Variants in SV2B observed in about 807,000 individuals in gnomAD.
The protein encoded by SV2B is synaptic vesicle glycoprotein 2B.
Under a neutral mutation model 73.9 loss-of-function variants are expected in SV2B, and 41 were observed. The observed-to-expected ratio is 0.56, with a 90% CI of 0.43 to 0.72. SV2B has a LOEUF of 0.72. Among genes scored for constraint, SV2B ranks in the 30% least tolerant of loss-of-function variants. SV2B has a pLI of 0.00. For synonymous variants in SV2B, 314 were observed against 314.2 expected, an observed-to-expected ratio of 1.00 and a Z score of 0.01; for missense variants, 764 against 857.8, an observed-to-expected ratio of 0.89 and a Z score of 1.37.
Position 91,275,293 on chromosome 15 carries a change from A to G in SV2B, c.1374-6435A>G, listed in dbSNP as rs569771863. Among the ~76,000 whole-genome samples the G allele has an allele frequency of 6.6e-5, 10 of 152,196 alleles. 1 individual carries two copies. The South Asian group carries it at 8.3e-4, about 13-fold the overall frequency. ...TATTACTTATTCCTCTTTGTAAAAA[A>G]TTTAGTGGTGTCTTAGCGCTTACAA... On this transcript the variant is annotated intron_variant, in intron 9 of 12. Transcript: ENST00000394232.
At chr15:91,111,068 G>A (rs1016739858) in intron 1 of SV2B, among the ~76,000 whole-genome samples, 5 of 152,082 alleles carry the variant, frequency 3.3e-5, no homozygotes, top group South Asian at 2.1e-4. Context: ...CGCCGCCCAC[G>A]TCTGTGGCAG....
In SV2B at chr15:91,232,653, G is replaced by A. The variant is rs745522402; in HGVS notation, c.451+5939G>A. Among the ~76,000 whole-genome samples the A allele has an allele frequency of 4.6e-5, 7 of 152,186 alleles. No individual in the cohort carries two copies. The highest frequency in any genetic ancestry group is 8.8e-5 in the Non-Finnish European group (6 of 68,018). ...GCTTTCTAATCTGATTAGATTTAAA[G>A]AGTTTATTGTTTGAGTGTGACATAT... On this transcript the variant is annotated intron_variant, in intron 2 of 12. Transcript: ENST00000394232. The surrounding 1 kb of genome is among the most constrained non-coding windows in gnomAD (Gnocchi z 4.7).
intron 9 of SV2B, among the ~76,000 whole-genome samples, chr15:91,276,805 G>GTTGTTGTTATTATTATTATTATTA (rs528279430): frequency 7.6e-5 from 7 of 92,096 alleles, no homozygotes; most frequent in African/African-American, 2.4e-4. Context: ...TATTGTTGTT[G>GTTGTTGTTATTATTATTATTATTA]TTATTATTAT....
At chr15:91,233,468 T>A (rs943871277) in intron 2 of SV2B, among the ~76,000 whole-genome samples, 1 of 152,220 alleles carries the variant, frequency 6.6e-6, no homozygotes. Flanking sequence ...CTCCTGAGAT[T>A]GCTGAAAACC....
At chr15:91,228,406 A>G (rs1055481741) in intron 2 of SV2B, among the ~76,000 whole-genome samples, 4 of 152,224 alleles carry the variant, frequency 2.6e-5, no homozygotes, top group African/African-American at 9.6e-5. Context: ...AGCAACCAAC[A>G]AACAACCAAC....
rs758428764 is a variant in SV2B, at chr15:91,166,818, C to CT, written c.-391-59042dup. On this transcript the variant is annotated intron_variant, in intron 1 of 12. Transcript: ENST00000394232. Reference sequence around the variant, plus strand: ...TATAGTTTTTCTTTTGTTTTCTTTTCTTTTTTTTTTTTTGAGATGGAGTCT... The same window carrying CT: ...TATAGTTTTTCTTTTGTTTTCTTTTCTTTTTTTTTTTTTTGAGATGGAGTCT... 2.2e-3 allele frequency among the ~76,000 whole-genome samples: 304 copies of CT among 139,108 alleles called. 4 individuals carry two copies. Among genetic ancestry groups the CT allele is most frequent in the East Asian group, 8.5e-3 (42 of 4,932 alleles). 91.3% of individuals were successfully genotyped at this position (139,108 alleles called of 152,430 possible).
intron 1 of SV2B, among the ~76,000 whole-genome samples, chr15:91,185,953 T>A (rs936241513): frequency 6.6e-6 from 1 of 152,218 alleles, no homozygotes; most frequent in African/African-American, 2.4e-5. Context: ...TGTGACCAGA[T>A]CCTCTTCTAA....
chr15:91,233,769 A>T (rs2046673487), intron 2 of SV2B, among the ~76,000 whole-genome samples: 2 of 152,134 alleles, frequency 1.3e-5, no homozygotes, highest in Non-Finnish European at 2.9e-5. Flanking sequence ...GCCTTGCAAG[A>T]CTTGCTGATT....
At position 91,296,881 on chromosome 15, in the gene SV2B, C is replaced by CGCACGCTCCTTCTGCCCGATCGTTGGGA. The variant is rs2049262119; in HGVS notation, c.*4356_*4357insAGCACGCTCCTTCTGCCCGATCGTTGGG. ...ACGCTCCTTCTGCCCGATCGTTGGG[C>CGCACGCTCCTTCTGCCCGATCGTTGGGA]GCACGCTCCTTCTGCCCGATCGTTG... On this transcript the variant is annotated 3_prime_UTR_variant, in exon 13 of 13. Transcript: ENST00000394232. The CGCACGCTCCTTCTGCCCGATCGTTGGGA allele has an allele frequency of 7.9e-6, 1 of 126,206 alleles. No homozygotes were observed. The highest frequency in any genetic ancestry group is 3.2e-5 in the African/African-American group (1 of 31,732). 7.8% of individuals were successfully genotyped at this position (126,206 alleles called of 1,614,324 possible).
In SV2B at chr15:91,258,950, A is replaced by G. The variant is rs1408969763; in HGVS notation, c.918+396A>G. 2.0e-5 allele frequency among the ~76,000 whole-genome samples: 3 copies of G among 148,934 alleles called. No individual in the cohort carries two copies. Among genetic ancestry groups the G allele is most frequent in the Non-Finnish European group, 3.0e-5 (2 of 67,424 alleles). On this transcript the variant is annotated intron_variant, in intron 5 of 12. Transcript: ENST00000394232. This position sits in a 1 kb window ranked among gnomAD's most constrained non-coding sequence, Gnocchi z 4.7. ...AAAAAAAAAAAAAAAAAATTAGTTG[A>G]GCGATTTGGTGCGTGCATGCCTGTG...
intron 1 of SV2B, among the ~76,000 whole-genome samples, chr15:91,148,093 G>A (rs1443416232): frequency 7.1e-6 from 1 of 141,194 alleles, no homozygotes; most frequent in Non-Finnish European, 1.5e-5. Context: ...CAATTCTTCT[G>A]TCTCAGCCTT....
At chr15:91,120,247 G>C (rs6496761) in intron 1 of SV2B, among the ~76,000 whole-genome samples, 1 of 151,940 alleles carries the variant, frequency 6.6e-6, no homozygotes, top group Non-Finnish European at 1.5e-5. Context: ...AAATCATGGC[G>C]GAAGGTGAAG....
At position 91,265,982 on chromosome 15, in the gene SV2B, A is replaced by G. The variant is rs1278523944; in HGVS notation, c.1009-600A>G. Among the ~76,000 whole-genome samples the G allele has an allele frequency of 6.6e-6, 1 of 152,332 alleles. No individual in the cohort carries two copies. Among genetic ancestry groups the G allele is most frequent in the East Asian group, 1.9e-4 (1 of 5,176 alleles). ...ATGGTGAAACCCTGTCTCTATTAAA[A>G]AATACAAAAAATTAGCTGGGTGTGG... is the stretch of plus-strand genomic sequence containing the variant. On this transcript the variant is annotated intron_variant, in intron 6 of 12. Transcript: ENST00000394232. This position sits in a 1 kb window ranked among gnomAD's most constrained non-coding sequence, Gnocchi z 4.2.
Position 91,301,717 on chromosome 15 carries a change from A to G in SV2B, c.*9165A>G, listed in dbSNP as rs1265601302. Among the ~76,000 whole-genome samples, 1 of 152,206 alleles carries G rather than the reference A, an allele frequency of 6.6e-6. No individual in the cohort carries two copies. Among genetic ancestry groups the G allele is most frequent in the Non-Finnish European group, 1.5e-5 (1 of 68,024 alleles). ...CTTATCCCAAATGTTTGGGACCAGA[A>G]GTGTTCTGGATTTCCGGTTTTAAAA... On this transcript the variant is annotated 3_prime_UTR_variant, in exon 13 of 13. Coordinates refer to ENST00000394232, the MANE Select transcript of SV2B (RefSeq NM_001323032.3). The surrounding 1 kb of genome is among the most constrained non-coding windows in gnomAD (Gnocchi z 4.3).
At chr15:91,260,171 A>T (rs2047857131) in intron 5 of SV2B, 149 bp from the exon 6 acceptor site, 1 of 610,752 alleles carries the variant, frequency 1.6e-6, no homozygotes, top group Non-Finnish European at 2.8e-6. Context: ...CAGGTCCTAG[A>T]TGGTAATGAG....
At chr15:91,144,610 A>G (rs893003580) in intron 1 of SV2B, among the ~76,000 whole-genome samples, 1 of 152,206 alleles carries the variant, frequency 6.6e-6, no homozygotes, top group Non-Finnish European at 1.5e-5. Flanking sequence ...ACATGTTCAA[A>G]GCTGAGAGAC....
At chr15:91,188,382 T>C (rs2044861885) in intron 1 of SV2B, among the ~76,000 whole-genome samples, 1 of 152,056 alleles carries the variant, frequency 6.6e-6, no homozygotes, top group Admixed American at 6.6e-5. Flanking sequence ...GGCAAGATCT[T>C]GGCTCACTGC....
intron 1 of SV2B, among the ~76,000 whole-genome samples, chr15:91,101,290 G>A (rs1389571420): frequency 6.6e-6 from 1 of 152,054 alleles, no homozygotes; most frequent in African/African-American, 2.4e-5. Flanking sequence ...TCGGCTCAGC[G>A]GTGGTTCTGG....
Position 91,164,252 on chromosome 15 carries a change from T to C in SV2B, c.-391-61621T>C, listed in dbSNP as rs554604452. On this transcript the variant is annotated intron_variant, in intron 1 of 12. Transcript: ENST00000394232. ...TTTGCAGAACTGGAAAAAACTACTT[T>C]AAAGTTTATGTGGAACCAAAAAAGA... 2.6e-5 allele frequency among the ~76,000 whole-genome samples: 4 copies of C among 152,304 alleles called. No individual in the cohort carries two copies. The East Asian group carries it at 7.7e-4, about 29-fold the overall frequency.
Sources: gnomAD v4.1 joint callset for allele counts (sites outside exome capture counted in the v4.1 genomes callset) on GRCh38, gnomAD v4.1.1 for gene constraint, Gnocchi (gnomAD v3.1) non-coding constraint, MANE v1.5 for transcripts, NCBI Gene and HGNC (gene_info 2026-07-23, HGNC 2026-07-21) for gene names.